TRAPPC9: variants seen among roughly 807,000 people sequenced by gnomAD.
The protein encoded by TRAPPC9 is trafficking protein particle complex subunit 9, also known as IKK2 binding protein.
A neutral mutation model predicts 124.0 loss-of-function variants in TRAPPC9; 83 were observed. The ratio of observed to expected loss-of-function variants is 0.67; its 90% CI spans 0.56 to 0.80. TRAPPC9 has a LOEUF of 0.80. TRAPPC9 is among the 30% of genes least tolerant of loss of function. The pLI is 0.00. For missense variants in TRAPPC9, 1,302 were observed against 1,508.3 expected (o/e 0.86, Z 2.27); for synonymous variants, 638 against 617.5 (o/e 1.03, Z -0.49).
intron 19 of TRAPPC9, among the ~76,000 whole-genome samples, chr8:139,985,103 G>T (rs955882184): frequency 8.5e-5 from 13 of 152,152 alleles, no homozygotes; most frequent in Admixed American, 3.9e-4. Flanking sequence ...ATAAATAAAA[G>T]AATATTCGAG....
Position 140,429,730 on chromosome 8 carries a change from C to A in TRAPPC9, c.860-3089G>T, listed in dbSNP as rs575836380. ...CTGAGGCACGAGAATTGCTTGAACC[C>A]GGGAGGCAGCGGTTGCAGTGAGCCA... On this transcript the variant is annotated intron_variant, in intron 4 of 22. Coordinates refer to ENST00000438773, the MANE Select transcript of TRAPPC9 (RefSeq NM_001160372.4). Among the ~76,000 whole-genome samples the A allele has an allele frequency of 1.6e-3, 236 of 152,080 alleles. 1 individual carries two copies. Among genetic ancestry groups the A allele is most frequent in the African/African-American group, 5.4e-3 (225 of 41,488 alleles).
At chr8:140,419,428 C>CAAAAAAAAAAAAAAAAA (rs61155157) in intron 5 of TRAPPC9, among the ~76,000 whole-genome samples, 19 of 79,586 alleles carry the variant, frequency 2.4e-4, no homozygotes, top group Non-Finnish European at 3.9e-4. Context: ...GACTCCGTCT[C>CAAAAAAAAAAAAAAAAA]AAAAAAAAAA....
intron 21 of TRAPPC9, among the ~76,000 whole-genome samples, chr8:139,842,683 C>T (rs1322210718): frequency 6.6e-6 from 1 of 151,932 alleles, no homozygotes; most frequent in Non-Finnish European, 1.5e-5. Flanking sequence ...AGGGGGCGGG[C>T]CTGTGGCACA....
chr8:140,327,907 G>C (rs1296383312), intron 9 of TRAPPC9, among the ~76,000 whole-genome samples: 1 of 152,090 alleles, frequency 6.6e-6, no homozygotes, highest in Admixed American at 6.6e-5. Flanking sequence ...CAGTTAAAAG[G>C]GTACATTTTG....
At position 140,087,566 on chromosome 8, in the gene TRAPPC9, T is replaced by A. The variant is rs1199438135; in HGVS notation, c.2557-63487A>T. Among the ~76,000 whole-genome samples, 2 of 152,196 alleles carry A rather than the reference T, an allele frequency of 1.3e-5. No individual in the cohort carries two copies. The highest frequency in any genetic ancestry group is 2.9e-5 in the Non-Finnish European group (2 of 68,038). ...ATCTCAGTAAATAAAACAACCACCGTCCAGCTGCTCAGGCCAAAACCTTAA... is the reference window on the plus strand; with the variant it reads ...ATCTCAGTAAATAAAACAACCACCGACCAGCTGCTCAGGCCAAAACCTTAA... On this transcript the variant is annotated intron_variant, in intron 17 of 22. Coordinates refer to ENST00000438773, the MANE Select transcript of TRAPPC9 (RefSeq NM_001160372.4). The surrounding 1 kb of genome is among the most constrained non-coding windows in gnomAD (Gnocchi z 4.6).
intron 21 of TRAPPC9, among the ~76,000 whole-genome samples, chr8:139,767,556 G>A (rs967736587): frequency 6.6e-6 from 1 of 152,200 alleles, no homozygotes. Context: ...GGGGTGGAAG[G>A]GGGAGGGAGA....
chr8:140,120,677 ACATC>A (rs559075849), intron 17 of TRAPPC9, among the ~76,000 whole-genome samples: 133 of 140,870 alleles, frequency 9.4e-4, no homozygotes, highest in Admixed American at 1.6e-3. Flanking sequence ...CATCCATCCA[ACATC>A]CATCCATCCA....
intron 21 of TRAPPC9, among the ~76,000 whole-genome samples, chr8:139,832,806 C>T (rs1826076455): frequency 1.3e-5 from 2 of 152,128 alleles, no homozygotes; most frequent in Non-Finnish European, 2.9e-5. Flanking sequence ...CCCCCGGAGA[C>T]CCTCGCCCTT....
intron 19 of TRAPPC9, among the ~76,000 whole-genome samples, chr8:139,977,010 A>G (rs1836520782): frequency 6.6e-6 from 1 of 152,196 alleles, no homozygotes; most frequent in Admixed American, 6.5e-5. Context: ...CTGGGCAGCT[A>G]CTGGGTCTGG....
At chr8:139,894,121 G>A (rs1017237625) in intron 20 of TRAPPC9, among the ~76,000 whole-genome samples, 1 of 152,224 alleles carries the variant, frequency 6.6e-6, no homozygotes, top group Non-Finnish European at 1.5e-5. Flanking sequence ...GGAAAACACA[G>A]CCAGTGCCCT....
intron 21 of TRAPPC9, among the ~76,000 whole-genome samples, chr8:139,749,299 C>G (rs1403661133): frequency 6.6e-6 from 1 of 152,180 alleles, no homozygotes; most frequent in Admixed American, 6.5e-5. Context: ...GACTGTCTCT[C>G]CTGAGCTCCT....
At chr8:140,232,388 C>T (rs2063620641) in intron 16 of TRAPPC9, among the ~76,000 whole-genome samples, 1 of 151,712 alleles carries the variant, frequency 6.6e-6, no homozygotes, top group Non-Finnish European at 1.5e-5. Flanking sequence ...ACTGGGGGAA[C>T]CTGGCTTCCT....
chr8:140,081,133 G>A (rs1843788573), intron 17 of TRAPPC9, among the ~76,000 whole-genome samples: 1 of 152,062 alleles, frequency 6.6e-6, no homozygotes, highest in South Asian at 2.1e-4. Context: ...TATCCCCAGT[G>A]CGTCTGCAGC....
intron 17 of TRAPPC9, among the ~76,000 whole-genome samples, chr8:140,185,452 C>G (rs767619573): frequency 6.6e-6 from 1 of 152,252 alleles, no homozygotes; most frequent in African/African-American, 2.4e-5. Flanking sequence ...AACTGCCACG[C>G]CCAGGCAATT....
At chr8:140,251,855 C>T (rs1040367532) in intron 16 of TRAPPC9, among the ~76,000 whole-genome samples, 2 of 152,178 alleles carry the variant, frequency 1.3e-5, no homozygotes, top group African/African-American at 2.4e-5. Flanking sequence ...AAAATCACCA[C>T]GGCTGACAGT....
At chr8:139,812,752 T>C (rs997898714) in intron 21 of TRAPPC9, among the ~76,000 whole-genome samples, 7 of 152,090 alleles carry the variant, frequency 4.6e-5, no homozygotes, top group Non-Finnish European at 1.0e-4. Context: ...AGAGTAAAGG[T>C]GTTGGAATCA....
chr8:140,403,776 G>A (rs2069365964), intron 6 of TRAPPC9, among the ~76,000 whole-genome samples: 1 of 151,824 alleles, frequency 6.6e-6, no homozygotes, highest in African/African-American at 2.4e-5. Flanking sequence ...TTGAGCCTCA[G>A]CCTCCCGAGT....
rs551977215 is a variant in TRAPPC9, at chr8:139,910,287, C to T, written c.2824G>A (p.Val942Met). 1.9e-6 allele frequency: 3 copies of T among 1,614,162 alleles called. No homozygotes were observed. Among genetic ancestry groups the T allele is most frequent in the Middle Eastern group, 1.6e-4 (1 of 6,062 alleles). ...AGECQRMAIQVDKFNFESFPE... is the reference protein window; with the variant it reads ...AGECQRMAIQMDKFNFESFPE... The stretch of plus-strand genomic sequence containing the variant: ...AAACTCTCAAAGTTGAACTTGTCCA[C>T]TTGAATAGCCATTCTACGAGAAAGG... Residue 942 changes from valine (V) to methionine (M), a missense_variant, in exon 20 of 23, where the codon GTG (valine) becomes ATG (methionine). Around this residue, in one of 3 missense-constraint regions of TRAPPC9, gnomAD observed 640 missense variants for 679.3 expected, o/e 0.94. Transcript: ENST00000438773.
At chr8:139,873,115 G>A (rs1368278376) in intron 21 of TRAPPC9, among the ~76,000 whole-genome samples, 1 of 152,092 alleles carries the variant, frequency 6.6e-6, no homozygotes, top group South Asian at 2.1e-4. Context: ...TGGTTGGATA[G>A]GTGGGTGGGT....
Sources: allele counts gnomAD v4.1 joint callset (sites outside exome capture counted in the v4.1 genomes callset), GRCh38; gene constraint gnomAD v4.1.1; regional missense constraint gnomAD v4.1.1; non-coding constraint Gnocchi (gnomAD v3.1); transcripts MANE v1.5; gene names NCBI Gene and HGNC (gene_info 2026-07-23, HGNC 2026-07-21).